TTC6: variants seen among roughly 807,000 people sequenced by gnomAD.
TTC6 encodes the protein tetratricopeptide repeat domain 6, also known as tetratricopeptide repeat protein 6.
Under a neutral mutation model 210.4 loss-of-function variants are expected in TTC6, and 172 were observed. The ratio of observed to expected loss-of-function variants is 0.82; its 90% CI spans 0.72 to 0.93. The LOEUF (loss-of-function observed/expected upper bound fraction) is 0.93, where lower values mean the gene tolerates loss of function less well. Ranked by LOEUF, TTC6 falls within the 40% of genes least tolerant of loss-of-function variation. The probability of loss-of-function intolerance (pLI) is 0.00; values close to 1 mark genes in which losing one functional copy is unlikely to be tolerated. For synonymous variants in TTC6, 804 were observed against 819.6 expected, an observed-to-expected ratio of 0.98 and a Z score of 0.32; for missense variants, 2,414 against 2,318.1, an observed-to-expected ratio of 1.04 and a Z score of -0.85.
intron 1 of TTC6, among the ~76,000 whole-genome samples, chr14:37,603,025 T>C (rs2095618690): frequency 6.6e-6 from 1 of 152,112 alleles, no homozygotes; most frequent in South Asian, 2.1e-4. Flanking sequence ...GGGTTGAAGG[T>C]CAGTTTACAC....
At chr14:37,727,786 T>A (rs1358474654) in intron 7 of TTC6, among the ~76,000 whole-genome samples, 1 of 152,196 alleles carries the variant, frequency 6.6e-6, no homozygotes, top group Non-Finnish European at 1.5e-5. Context: ...CCATAGTGTT[T>A]AAACATTTTT....
At chr14:37,693,583 A>C (rs1164685080) in intron 3 of TTC6, among the ~76,000 whole-genome samples, 5 of 152,104 alleles carry the variant, frequency 3.3e-5, no homozygotes, top group African/African-American at 9.7e-5. Flanking sequence ...AAACAAAAAC[A>C]AAAACCATAC....
At chr14:37,678,531 C>A (rs1244161137) in intron 1 of TTC6, among the ~76,000 whole-genome samples, 1 of 152,194 alleles carries the variant, frequency 6.6e-6, no homozygotes, top group African/African-American at 2.4e-5. Flanking sequence ...CTGTTCCTTA[C>A]AAATTCTAGC....
intron 29 of TTC6, among the ~76,000 whole-genome samples, chr14:37,836,807 C>T (rs2096198944): frequency 6.6e-6 from 1 of 152,086 alleles, no homozygotes; most frequent in Non-Finnish European, 1.5e-5. Context: ...AAGACTTAGG[C>T]TAGGAGGAAG....
At chr14:37,692,229 A>AG in intron 3 of TTC6, among the ~76,000 whole-genome samples, 1 of 148,098 alleles carries the variant, frequency 6.8e-6, no homozygotes, top group Non-Finnish European at 1.5e-5. Flanking sequence ...AAAAAAAAAA[A>AG]AAAGAAAAAA....
intron 1 of TTC6, among the ~76,000 whole-genome samples, chr14:37,642,929 A>T (rs1216732556): frequency 6.6e-6 from 1 of 152,270 alleles, no homozygotes; most frequent in Non-Finnish European, 1.5e-5. Context: ...GTAAAAATGC[A>T]GTATAACCTT....
chr14:37,719,506 G>A (rs943751261), intron 6 of TTC6, among the ~76,000 whole-genome samples: 2 of 151,832 alleles, frequency 1.3e-5, no homozygotes, highest in Non-Finnish European at 2.9e-5. Context: ...GGACAGGCCT[G>A]TAGATCAATG....
In TTC6 at chr14:37,598,785, G is replaced by A. The variant is rs1201070178; in HGVS notation, c.-235+2777G>A. Among the ~76,000 whole-genome samples the A allele has an allele frequency of 1.3e-5, 2 of 152,154 alleles. No homozygotes were observed. The highest frequency in any genetic ancestry group is 3.9e-4 in the East Asian group (2 of 5,156). The stretch of plus-strand genomic sequence containing the variant: ...CGGCGGGGCTCTGCGGTGCCCATTC[G>A]AGTCTCTCCAGGGCTTCCCTCTGTG... On this transcript the variant is annotated intron_variant, in intron 1 of 2. Transcript: ENST00000556845. The surrounding 1 kb of genome is among the most constrained non-coding windows in gnomAD (Gnocchi z 4.9).
chr14:37,827,356 A>G (rs1285020551), exon 29 of TTC6: 44 of 1,611,914 alleles, frequency 2.7e-5, no homozygotes, highest in Non-Finnish European at 3.3e-5. Context: ...CACCACAGGC[A>G]GTTTTCCCAG....
chr14:37,813,319 C>T (rs1202592596), intron 25 of TTC6, among the ~76,000 whole-genome samples: 2 of 152,048 alleles, frequency 1.3e-5, no homozygotes, highest in African/African-American at 4.8e-5. Flanking sequence ...TATTTTTGAG[C>T]TGTATCACTA....
Position 37,622,230 on chromosome 14 carries a change from G to GC in TTC6, c.171dup (p.Gly58ArgfsTer23). The GC allele has an allele frequency of 6.5e-7, 1 of 1,535,402 alleles. No homozygotes were observed. The highest frequency in any genetic ancestry group is 8.7e-7 in the Non-Finnish European group (1 of 1,146,608). ...TGAAAGCCCAGTCCACAGCCTCCAT[G>GC]CCCCCGGCCCGGCCCGCCCCGCGCG... On this transcript the variant is annotated frameshift_variant, in exon 1 of 31. Transcript: ENST00000553443. LOFTEE classifies it high-confidence loss of function.
chr14:37,804,372 A>C (rs1436545968), intron 20 of TTC6, among the ~76,000 whole-genome samples: 1 of 152,214 alleles, frequency 6.6e-6, no homozygotes, highest in Non-Finnish European at 1.5e-5. Flanking sequence ...AGCCTGACTT[A>C]AGCTTGTGTA....
Position 37,604,837 on chromosome 14 carries a change from G to A in TTC6, c.-234-1826G>A, listed in dbSNP as rs78480986. ...CCTCTGCCCTTCTCATGGACAGTAA[G>A]GACCACTTATGATTCATTTAGAGAA... On this transcript the variant is annotated intron_variant, in intron 1 of 2. Transcript: ENST00000556845. 2.0e-5 allele frequency among the ~76,000 whole-genome samples: 3 copies of A among 152,200 alleles called. No homozygotes were observed. The East Asian group carries it at 5.8e-4, about 29-fold the overall frequency.
intron 1 of TTC6, among the ~76,000 whole-genome samples, chr14:37,653,840 T>C (rs1405883823): frequency 6.6e-6 from 1 of 152,208 alleles, no homozygotes; most frequent in Non-Finnish European, 1.5e-5. Context: ...GTTTTTAAGG[T>C]ACACCTTTTT....
At chr14:37,624,770 C>T (rs144772012) in intron 1 of TTC6, among the ~76,000 whole-genome samples, 3,737 of 152,068 alleles carry the variant, frequency 0.025, 173 homozygotes, top group African/African-American at 0.085. Flanking sequence ...TACAGCCGCC[C>T]ACCACTATGC....
intron 1 of TTC6, among the ~76,000 whole-genome samples, chr14:37,654,076 T>C (rs2095717569): frequency 6.6e-6 from 1 of 152,198 alleles, no homozygotes; most frequent in Non-Finnish European, 1.5e-5. Context: ...AGATGCTTAA[T>C]ATAGTTTGTA....
At chr14:37,639,187 A>G (rs1369765503) in intron 1 of TTC6, among the ~76,000 whole-genome samples, 6 of 152,180 alleles carry the variant, frequency 3.9e-5, no homozygotes, top group Non-Finnish European at 8.8e-5. Flanking sequence ...TTGCTTTTCA[A>G]ATTTCATCTT....
chr14:37,637,098 A>G (rs1309619058), intron 1 of TTC6, among the ~76,000 whole-genome samples: 4 of 152,104 alleles, frequency 2.6e-5, no homozygotes, highest in Non-Finnish European at 5.9e-5. Flanking sequence ...AACAACAACA[A>G]ACAAACAAAC....
intron 15 of TTC6, among the ~76,000 whole-genome samples, chr14:37,789,618 T>TATATATATATATA (rs57518932): frequency 1.9e-5 from 2 of 106,082 alleles, no homozygotes; most frequent in African/African-American, 7.1e-5. Flanking sequence ...ATATATATAT[T>TATATATATATATA]GTATATACTC....
Sources: gnomAD v4.1 joint callset for allele counts (sites outside exome capture counted in the v4.1 genomes callset) on GRCh38, gnomAD v4.1.1 for gene constraint, Gnocchi (gnomAD v3.1) non-coding constraint, MANE v1.5 for transcripts, NCBI Gene and HGNC (gene_info 2026-07-23, HGNC 2026-07-21) for gene names.